The following ASB18 variants were observed in gnomAD, a reference collection of about 807,000 sequenced individuals.
The protein encoded by ASB18 is ankyrin repeat and SOCS box protein 18.
Under a neutral mutation model 33.4 loss-of-function variants are expected in ASB18, and 33 were observed. The observed-to-expected ratio is 0.99, with a 90% confidence interval of 0.75 to 1.32. ASB18 has a LOEUF of 1.32. Among genes scored for constraint, ASB18 ranks in the 40% most tolerant of loss-of-function variants. ASB18 has a pLI of 0.00. For synonymous variants in ASB18, 295 were observed against 307.6 expected (o/e 0.96, Z 0.43); for missense variants, 694 against 655.5 (o/e 1.06, Z -0.64).
chr2:236,214,156 CA>C lies in ASB18; in HGVS notation c.1101+205del. On this transcript the variant is annotated intron_variant, in intron 4 of 5. Transcript: ENST00000409749. This position sits in a 1 kb window ranked among gnomAD's most constrained non-coding sequence, Gnocchi z 6.5. ...GTTCCTCAAAATGGGGTCCCAGGAACAGCAGTCTAGGCCACACCCGGGAGCT... is the reference window on the plus strand; with the variant it reads ...GTTCCTCAAAATGGGGTCCCAGGAACGCAGTCTAGGCCACACCCGGGAGCT... 2 of 572,514 alleles carry C rather than the reference CA, an allele frequency of 3.5e-6. No homozygotes were observed. The highest frequency in any genetic ancestry group is 6.0e-6 in the Non-Finnish European group (2 of 332,456). The allele number at this position is 572,514 out of a possible 1,614,324, so 35.5% of individuals were successfully genotyped here.
chr2:236,235,447 G>A lies in ASB18; in HGVS notation c.596+2242C>T, dbSNP rs2060583500. ...GATGAAACAACACATTTCTGAGAAT[G>A]TATCCCCATCGTTAAGCGACAAATG... On this transcript the variant is annotated intron_variant, in intron 3 of 5. Coordinates refer to ENST00000409749, the MANE Select transcript of ASB18 (RefSeq NM_212556.4). The surrounding 1 kb of genome is among the most constrained non-coding windows in gnomAD (Gnocchi z 6.2). Among the ~76,000 whole-genome samples, 1 of 152,200 alleles carries A rather than the reference G, an allele frequency of 6.6e-6. No individual in the cohort carries two copies.
chr2:236,251,443 G>A lies in ASB18; in HGVS notation c.206-10041C>T, dbSNP rs1415446976. 4.6e-5 allele frequency among the ~76,000 whole-genome samples: 7 copies of A among 152,198 alleles called. No individual in the cohort carries two copies. The highest frequency in any genetic ancestry group is 1.0e-4 in the Non-Finnish European group (7 of 68,038). On this transcript the variant is annotated intron_variant, in intron 1 of 5. Transcript: ENST00000409749. The surrounding 1 kb of genome is among the most constrained non-coding windows in gnomAD (Gnocchi z 5.3). ...CAGCTCCTGCCTCTTGAGACAAATT[G>A]CGTGTTCAGACTGATTGTTTTTTAT...
chr2:236,212,402 T>G (rs182878236), intron 4 of ASB18, among the ~76,000 whole-genome samples: 1 of 152,300 alleles, frequency 6.6e-6, no homozygotes. Context: ...AAATGATGCC[T>G]GTGGGGCTGC....
rs768382101 is a variant in ASB18 at position 236,262,600 on chromosome 2, G to A, written c.205+1541C>T. Among the ~76,000 whole-genome samples the A allele has an allele frequency of 6.6e-6, 1 of 152,240 alleles. No individual in the cohort carries two copies. The highest frequency in any genetic ancestry group is 2.4e-5 in the African/African-American group (1 of 41,464). ...TGCAGTTTGCAGAGATCAGCCTCGG[G>A]GGGGTGCTTGGGCACGGTGGGCCTA... On this transcript the variant is annotated intron_variant, in intron 1 of 5. Transcript: ENST00000409749. This position sits in a 1 kb window ranked among gnomAD's most constrained non-coding sequence, Gnocchi z 5.2.
Position 236,223,594 on chromosome 2 carries a change from A to G in ASB18, c.597-8728T>C, listed in dbSNP as rs1239765353. On this transcript the variant is annotated intron_variant, in intron 3 of 5. Coordinates refer to ENST00000409749, the MANE Select transcript of ASB18 (RefSeq NM_212556.4). The surrounding 1 kb of genome is among the most constrained non-coding windows in gnomAD (Gnocchi z 4.6). ...GAAATGCACAGGTCTTAAGAGCACA[A>G]TTGAATGAATTTCAACAAAGGAATA... is the stretch of plus-strand genomic sequence containing the variant. 1.3e-5 allele frequency among the ~76,000 whole-genome samples: 2 copies of G among 152,220 alleles called. No homozygotes were observed. The highest frequency in any genetic ancestry group is 2.9e-5 in the Non-Finnish European group (2 of 68,028).
At position 236,252,153 on chromosome 2, in the gene ASB18, C is replaced by A. The variant is rs1029369472; in HGVS notation, c.206-10751G>T. On this transcript the variant is annotated intron_variant, in intron 1 of 5. Transcript: ENST00000409749. The surrounding 1 kb of genome is among the most constrained non-coding windows in gnomAD (Gnocchi z 7.9). ...GAGGGTGGTGGTGTGCGGCTGCAGT[C>A]CCAGCTATTCAGGAGGCTGAGACAG... Among the ~76,000 whole-genome samples the A allele has an allele frequency of 1.3e-5, 2 of 152,058 alleles. No individual in the cohort carries two copies. Among genetic ancestry groups the A allele is most frequent in the Non-Finnish European group, 2.9e-5 (2 of 68,026 alleles).
At chr2:236,247,405 A>G (rs1398353871) in intron 1 of ASB18, 3 of 152,158 alleles carry the variant, frequency 2.0e-5, no homozygotes, top group African/African-American at 7.2e-5. Flanking sequence ...AAACCTAACA[A>G]TACCCCTGCC....
chr2:236,241,236 A>C lies in ASB18; in HGVS notation c.328+44T>G, dbSNP rs757871667. On this transcript the variant is annotated intron_variant, in intron 2 of 5. Coordinates refer to ENST00000409749, the MANE Select transcript of ASB18 (RefSeq NM_212556.4). The surrounding 1 kb of genome is among the most constrained non-coding windows in gnomAD (Gnocchi z 4.2). The stretch of plus-strand genomic sequence containing the variant: ...CCTTACACTCCCAGAGAGTATTAGT[A>C]GCCCCTTAAAAATAAATGACTGAGC... 2 of 1,603,792 alleles carry C rather than the reference A, an allele frequency of 1.2e-6. No homozygotes were observed. Among genetic ancestry groups the C allele is most frequent in the Non-Finnish European group, 1.7e-6 (2 of 1,171,752 alleles).
At chr2:236,233,671 C>CA (rs1343356163) in intron 3 of ASB18, among the ~76,000 whole-genome samples, 3 of 151,976 alleles carry the variant, frequency 2.0e-5, no homozygotes, top group African/African-American at 4.8e-5. Context: ...ACAACAGCAT[C>CA]AAAAAATGAA....
At chr2:236,246,860 T>C (rs1459399779) in intron 1 of ASB18, among the ~76,000 whole-genome samples, 1 of 152,238 alleles carries the variant, frequency 6.6e-6, no homozygotes, top group African/African-American at 2.4e-5. Flanking sequence ...TTGTTTGTGA[T>C]TGGATAAATT....
Position 236,214,612 on chromosome 2 carries a change from G to A in ASB18, c.851C>T (p.Ala284Val). The A allele has an allele frequency of 8.2e-7, 1 of 1,213,632 alleles. No homozygotes were observed. The highest frequency in any genetic ancestry group is 1.0e-6 in the Non-Finnish European group (1 of 977,968). The allele number at this position is 1,213,632 out of a possible 1,614,324, so 75.2% of individuals were successfully genotyped here. The change falls in exon 4 of 6, where the codon GCG (alanine) becomes GTG (valine). Residue 284 changes from alanine (A) to valine (V), a missense_variant. Transcript: ENST00000409749. This position sits in a 1 kb window ranked among gnomAD's most constrained non-coding sequence, Gnocchi z 6.5. ...RLCALLLRRG[A>V]EADARDEDER... ...GTCCTCGTCGCGCGCGTCCGCCTCC[G>A]CCCCGCGCCGCAGCAGCAGCGCGCA... is the stretch of plus-strand genomic sequence containing the variant.
chr2:236,196,287 A>G lies in ASB18; in HGVS notation c.1200T>C (p.Pro400=). The change falls in exon 5 of 6, where the codon CCT becomes CCC. Residue 400 remains proline, a synonymous_variant. Coordinates refer to ENST00000409749, the MANE Select transcript of ASB18 (RefSeq NM_212556.4). The surrounding 1 kb of genome is among the most constrained non-coding windows in gnomAD (Gnocchi z 5.6). ...GCCCTCTTGCCTGGAATACTTCCTC[A>G]GGAATCACTTCCTTCCAGGACTCTG... ...CLSESWKEVI[P]EEVFQMHKPF... The G allele has an allele frequency of 8.4e-6, 13 of 1,551,746 alleles. No individual in the cohort carries two copies. The highest frequency in any genetic ancestry group is 2.7e-5 in the African/African-American group (2 of 73,268).
rs544950372 is a variant in ASB18 at position 236,204,654 on chromosome 2, C to T, written c.1102-8269G>A. On this transcript the variant is annotated intron_variant, in intron 4 of 5. Coordinates refer to ENST00000409749, the MANE Select transcript of ASB18 (RefSeq NM_212556.4). This position sits in a 1 kb window ranked among gnomAD's most constrained non-coding sequence, Gnocchi z 5.1. ...CACACTCAACATACCAAAAACTGAA[C>T]TCCCTTGTTCACCAGGTCCCAACCT... Among the ~76,000 whole-genome samples the T allele has an allele frequency of 1.1e-4, 17 of 152,348 alleles. 1 individual carries two copies. In the South Asian group the frequency reaches 3.3e-3, roughly 30 times the overall value.
Position 236,255,315 on chromosome 2 carries a change from T to C in ASB18, c.205+8826A>G, listed in dbSNP as rs910292991. Among the ~76,000 whole-genome samples the C allele has an allele frequency of 6.6e-6, 1 of 152,060 alleles. No individual in the cohort carries two copies. The highest frequency in any genetic ancestry group is 1.5e-5 in the Non-Finnish European group (1 of 67,998). Reference sequence around the variant, plus strand: ...CCCACCACGACGCCCAGCTAATTTATATATTTTTTGTAGAGACGGGGTTTC... The same window carrying C: ...CCCACCACGACGCCCAGCTAATTTACATATTTTTTGTAGAGACGGGGTTTC... On this transcript the variant is annotated intron_variant, in intron 1 of 5. Coordinates refer to ENST00000409749, the MANE Select transcript of ASB18 (RefSeq NM_212556.4). This position sits in a 1 kb window ranked among gnomAD's most constrained non-coding sequence, Gnocchi z 4.4.
Position 236,216,105 on chromosome 2 carries a change from T to A in ASB18, c.597-1239A>T, listed in dbSNP as rs1345694605. On this transcript the variant is annotated intron_variant, in intron 3 of 5. Transcript: ENST00000409749. The surrounding 1 kb of genome is among the most constrained non-coding windows in gnomAD (Gnocchi z 6.1). ...AAATGGCCGAATCTTCAAGCCGGAG[T>A]CCATTCTTCACCCCCCTCCTTTTCT... Among the ~76,000 whole-genome samples, 5 of 151,956 alleles carry A rather than the reference T, an allele frequency of 3.3e-5. No individual in the cohort carries two copies. Among genetic ancestry groups the A allele is most frequent in the African/African-American group, 1.2e-4 (5 of 41,354 alleles).
intron 4 of ASB18, among the ~76,000 whole-genome samples, chr2:236,198,876 T>C (rs918454293): frequency 2.6e-5 from 4 of 152,172 alleles, no homozygotes; most frequent in African/African-American, 7.2e-5. Context: ...ATTTCTTGTC[T>C]TATTACACTG....
At chr2:236,224,454 G>A (rs2060527698) in intron 3 of ASB18, among the ~76,000 whole-genome samples, 1 of 152,132 alleles carries the variant, frequency 6.6e-6, no homozygotes, top group African/African-American at 2.4e-5. Context: ...TACCTGGGAT[G>A]CCATTGAGGG....
rs1374914455 is a variant in ASB18, at chr2:236,208,830, C to T, written c.1101+5532G>A. Among the ~76,000 whole-genome samples the T allele has an allele frequency of 2.0e-5, 3 of 152,184 alleles. No homozygotes were observed. Among genetic ancestry groups the T allele is most frequent in the Non-Finnish European group, 4.4e-5 (3 of 68,048 alleles). On this transcript the variant is annotated intron_variant, in intron 4 of 5. Transcript: ENST00000409749. This position sits in a 1 kb window ranked among gnomAD's most constrained non-coding sequence, Gnocchi z 7.7. ...ATCTCCGCGGCCTCCTTGCTGTCTGCGGAGAGGCGGCTGCCACATTACTCT... is the reference window on the plus strand; with the variant it reads ...ATCTCCGCGGCCTCCTTGCTGTCTGTGGAGAGGCGGCTGCCACATTACTCT...
intron 3 of ASB18, among the ~76,000 whole-genome samples, chr2:236,232,987 A>T (rs1264739742): frequency 6.6e-6 from 1 of 152,104 alleles, no homozygotes; most frequent in African/African-American, 2.4e-5. Context: ...AGGTATTACA[A>T]GAAAATGAAA....
Sources: gnomAD v4.1 joint callset for allele counts (sites outside exome capture counted in the v4.1 genomes callset) on GRCh38, gnomAD v4.1.1 for gene constraint, Gnocchi (gnomAD v3.1) non-coding constraint, MANE v1.5 for transcripts, NCBI Gene and HGNC (gene_info 2026-07-23, HGNC 2026-07-21) for gene names.